The following SLC26A8 variants were observed in gnomAD, a reference collection of about 807,000 sequenced individuals.
SLC26A8 encodes the protein testis anion transporter 1.
Under a neutral mutation model 105.0 loss-of-function variants are expected in SLC26A8, and 70 were observed. The ratio of observed to expected loss-of-function variants is 0.67; its 90% CI spans 0.55 to 0.81. The LOEUF (loss-of-function observed/expected upper bound fraction) is 0.81. SLC26A8 is among the 40% of genes least tolerant of loss of function. SLC26A8 has a pLI of 0.00. For synonymous variants in SLC26A8, 415 were observed against 438.3 expected, an observed-to-expected ratio of 0.95 and a Z score of 0.66; for missense variants, 998 against 1,181.8, an observed-to-expected ratio of 0.84 and a Z score of 2.28.
At position 36,004,494 on chromosome 6, in the gene SLC26A8, T is replaced by C. The variant is rs186741733; in HGVS notation, c.329-4386A>G. On this transcript the variant is annotated intron_variant, in intron 3 of 19. Transcript: ENST00000490799. ...TTTTTTTGCTTTTAAAAAAGTCATATCAATTTTCTTTATATTCTTTTGAAT... is the reference window on the plus strand; with the variant it reads ...TTTTTTTGCTTTTAAAAAAGTCATACCAATTTTCTTTATATTCTTTTGAAT... Among the ~76,000 whole-genome samples, 240 of 152,290 alleles carry C rather than the reference T, an allele frequency of 1.6e-3. 1 individual carries two copies. Among genetic ancestry groups the C allele is most frequent in the Non-Finnish European group, 2.8e-3 (188 of 68,030 alleles).
chr6:35,986,530 C>A (rs980606552), intron 7 of SLC26A8, among the ~76,000 whole-genome samples: 2 of 152,246 alleles, frequency 1.3e-5, no homozygotes, highest in African/African-American at 4.8e-5. Flanking sequence ...ACCCTGGTAA[C>A]CACCATTCTA....
chr6:36,021,571 GA>G (rs1187645962), intron 1 of SLC26A8, among the ~76,000 whole-genome samples: 2 of 152,142 alleles, frequency 1.3e-5, no homozygotes, highest in Non-Finnish European at 2.9e-5. Flanking sequence ...GACCGTCAAG[GA>G]GTGGTGGGAA....
At chr6:35,993,607 T>C (rs373758165) in intron 5 of SLC26A8, among the ~76,000 whole-genome samples, 1 of 152,162 alleles carries the variant, frequency 6.6e-6, no homozygotes, top group East Asian at 1.9e-4. Context: ...ACACACAGGA[T>C]CTAAAAGGAT....
intron 11 of SLC26A8, among the ~76,000 whole-genome samples, chr6:35,965,153 A>G (rs1581638797): frequency 6.6e-6 from 1 of 152,340 alleles, no homozygotes; most frequent in South Asian, 2.1e-4. Flanking sequence ...ATCCATTTTT[A>G]GAAAATAATA....
chr6:36,012,176 A>G, intron 3 of SLC26A8, 57 bp downstream of exon 3: 1 of 1,575,650 alleles, frequency 6.3e-7, no homozygotes, highest in Non-Finnish European at 8.6e-7. Context: ...TACCCTGGGC[A>G]CGTGGACAAG....
intron 19 of SLC26A8, among the ~76,000 whole-genome samples, chr6:35,945,723 T>TATA (rs781201773): frequency 3.7e-4 from 56 of 152,316 alleles, no homozygotes; most frequent in South Asian, 2.1e-4. Context: ...ATTCTTTATT[T>TATA]ATTTACAAAC....
intron 3 of SLC26A8, among the ~76,000 whole-genome samples, chr6:36,009,953 G>A (rs1761804651): frequency 1.3e-5 from 2 of 152,190 alleles, no homozygotes; most frequent in Admixed American, 1.3e-4. Context: ...ACAATATCAA[G>A]TGCTGATGAG....
Position 35,959,153 on chromosome 6 carries a change from G to A in SLC26A8, c.1863+307C>T, listed in dbSNP as rs545492853. ...TGGCCGCTAAGAGCCAGGGAAATAG[G>A]TGCAACTACAGAATTACAGTCTCAA... On this transcript the variant is annotated intron_variant, in intron 16 of 19. Transcript: ENST00000490799. 8.5e-5 allele frequency among the ~76,000 whole-genome samples: 13 copies of A among 152,290 alleles called. 1 individual carries two copies. The South Asian group carries it at 2.3e-3, about 27-fold the overall frequency.
rs1394687560 is a variant in SLC26A8 at position 35,959,534 on chromosome 6, T to C, written c.1789A>G (p.Ser597Gly). 1 of 1,614,094 alleles carries C rather than the reference T, an allele frequency of 6.2e-7. No homozygotes were observed. Among genetic ancestry groups the C allele is most frequent in the East Asian group, 2.2e-5 (1 of 44,884 alleles). ...EEEIFSLFNS[S>G]DTNLQGGKIC... The stretch of plus-strand genomic sequence containing the variant: ...TTTCCTCCTTGTAGATTGGTGTCAC[T>C]TGAATTAAACAAGCTGAAAATTTCT... Residue 597 changes from serine (S) to glycine (G), a missense_variant, in exon 16 of 20, where the codon AGT becomes GGT. Ser to Gly is a moderately conservative substitution (Grantham distance 56, BLOSUM62 0). Coordinates refer to ENST00000490799, the MANE Select transcript of SLC26A8 (RefSeq NM_052961.4).
rs1772010783 is a variant in SLC26A8, at chr6:35,955,197, G to A, written c.2187C>T (p.Ser729=). 1.2e-6 allele frequency: 2 copies of A among 1,614,174 alleles called. No homozygotes were observed. Among genetic ancestry groups the A allele is most frequent in the Non-Finnish European group, 1.7e-6 (2 of 1,180,034 alleles). ...CCCGTGAATCCACGTAGTGTACCATGGAGAAATCCAGGATGATGGTGTGGA... is the reference window on the plus strand; with the variant it reads ...CCCGTGAATCCACGTAGTGTACCATAGAGAAATCCAGGATGATGGTGTGGA... ...PSVHTIILDF[S]MVHYVDSRGL... Residue 729 remains serine (S), a synonymous_variant, in exon 17 of 20, where the codon TCC becomes TCT. Transcript: ENST00000490799.
At chr6:36,010,201 A>G (rs1434077637) in intron 3 of SLC26A8, among the ~76,000 whole-genome samples, 1 of 152,232 alleles carries the variant, frequency 6.6e-6, no homozygotes, top group Non-Finnish European at 1.5e-5. Context: ...TCTATCAACA[A>G]GTGAATGGAT....
At chr6:36,020,710 A>G (rs1339174315) in intron 1 of SLC26A8, among the ~76,000 whole-genome samples, 1 of 152,216 alleles carries the variant, frequency 6.6e-6, no homozygotes, top group Non-Finnish European at 1.5e-5. Flanking sequence ...CTCTGGGAGA[A>G]AGTATAACCA....
At chr6:35,978,745 A>G (rs573397095) in intron 8 of SLC26A8, among the ~76,000 whole-genome samples, 2 of 152,168 alleles carry the variant, frequency 1.3e-5, no homozygotes, top group South Asian at 2.1e-4. Context: ...TTTATTTTTG[A>G]GTAGAAAGAA....
intron 14 of SLC26A8, 50 bp downstream of exon 14, chr6:35,960,793 G>A: frequency 6.4e-7 from 1 of 1,562,438 alleles, no homozygotes; most frequent in African/African-American, 1.4e-5. Flanking sequence ...CATGAGGTGG[G>A]GCCCACTCTA....
At chr6:36,010,718 T>C (rs1450434647) in intron 3 of SLC26A8, among the ~76,000 whole-genome samples, 1 of 151,780 alleles carries the variant, frequency 6.6e-6, no homozygotes, top group Admixed American at 6.6e-5. Context: ...TTTGTATTTT[T>C]AGTAGAGATG....
chr6:35,979,007 A>ATTTTT (rs34335766), intron 8 of SLC26A8, among the ~76,000 whole-genome samples: 2,083 of 98,328 alleles, frequency 0.021, 67 homozygotes, highest in Non-Finnish European at 0.03. Context: ...CACCTGGCTA[A>ATTTTT]TTTTTTTTTT....
intron 3 of SLC26A8, among the ~76,000 whole-genome samples, chr6:36,006,245 G>A (rs771374278): frequency 2.8e-4 from 43 of 151,978 alleles, no homozygotes; most frequent in African/African-American, 9.9e-4. Flanking sequence ...TTAGCCTCCC[G>A]AGTAGCTGGG....
chr6:36,003,528 T>A (rs1372670336), intron 3 of SLC26A8, among the ~76,000 whole-genome samples: 1 of 152,228 alleles, frequency 6.6e-6, no homozygotes, highest in Non-Finnish European at 1.5e-5. Flanking sequence ...GATTAATAGA[T>A]GTCAAGGTTA....
intron 8 of SLC26A8, among the ~76,000 whole-genome samples, chr6:35,978,004 T>G (rs938864544): frequency 2.0e-5 from 3 of 151,492 alleles, no homozygotes; most frequent in Admixed American, 6.6e-5. Flanking sequence ...GGGAATCTCT[T>G]GAACCCAGGA....
Sources: gnomAD v4.1 joint callset for allele counts (sites outside exome capture counted in the v4.1 genomes callset) on GRCh38, gnomAD v4.1.1 for gene constraint, MANE v1.5 for transcripts, NCBI Gene and HGNC (gene_info 2026-07-23, HGNC 2026-07-21) for gene names.